Variants in SPTBN1 observed in about 807,000 individuals in gnomAD.
The protein encoded by SPTBN1 is spectrin beta, non-erythrocytic 1.
A neutral mutation model predicts 266.4 loss-of-function variants in SPTBN1; 32 were observed. The ratio of observed to expected loss-of-function variants is 0.12; its 90% CI spans 0.09 to 0.16. The LOEUF (loss-of-function observed/expected upper bound fraction) is 0.16, where lower values mean the gene tolerates loss of function less well. SPTBN1 is among the 10% of genes least tolerant of loss of function. The pLI is 1.00. For synonymous variants in SPTBN1, 1,336 were observed against 1,162.2 expected, an observed-to-expected ratio of 1.15 and a Z score of -3.04; for missense variants, 2,296 against 3,067.1, an observed-to-expected ratio of 0.75 and a Z score of 5.94.
rs1361339840 is a variant in SPTBN1 at position 54,631,132 on chromosome 2, C to G, written c.3085C>G (p.Gln1029Glu). 1.2e-6 allele frequency: 2 copies of G among 1,614,228 alleles called. No homozygotes were observed. The highest frequency in any genetic ancestry group is 1.7e-6 in the Non-Finnish European group (2 of 1,180,048). Reference protein sequence around the residue: ...AEKLESEHPDQAQAILSRLAE... With the variant: ...AEKLESEHPDEAQAILSRLAE... ...GAAGCTGGAGTCCGAGCACCCCGAC[C>G]AGGCCCAGGCCATCCTGTCTCGGCT... Residue 1029 changes from glutamine to glutamate, a missense_variant, in exon 16 of 36, where the codon CAG becomes GAG. Transcript: ENST00000356805.
chr2:54,551,573 C>A (rs191382500), intron 2 of SPTBN1, among the ~76,000 whole-genome samples: 1 of 152,182 alleles, frequency 6.6e-6, no homozygotes, highest in African/African-American at 2.4e-5. Flanking sequence ...TGTAACTTGC[C>A]GTTTTTCTCC....
At chr2:54,524,849 G>A (rs759402709) in intron 1 of SPTBN1, among the ~76,000 whole-genome samples, 6 of 152,106 alleles carry the variant, frequency 3.9e-5, no homozygotes, top group East Asian at 1.9e-4. Context: ...TGATCTGTGC[G>A]TGACTCATTC....
rs1363000891 is a variant in SPTBN1, at chr2:54,645,314, G to T, written c.4355G>T (p.Ser1452Ile). 6.2e-7 allele frequency: 1 copy of T among 1,614,220 alleles called. No individual in the cohort carries two copies. The highest frequency in any genetic ancestry group is 8.5e-7 in the Non-Finnish European group (1 of 1,180,044). ...QAQALSQEGK[S>I]TDEVDSKRLT... ...CAGGCCCTGAGTCAGGAAGGGAAGA[G>T]CACCGACGAGGTAGACAGCAAGCGC... The change falls in exon 21 of 36, where the codon AGC becomes ATC. Residue 1452 changes from serine to isoleucine, a missense_variant. Physicochemically the swap from Ser to Ile is moderately radical, Grantham distance 142 (BLOSUM62 -2). This residue lies in a region of SPTBN1 where 386 missense variants were observed against 486.1 expected (regional missense o/e 0.79). Coordinates refer to ENST00000356805, the MANE Select transcript of SPTBN1 (RefSeq NM_003128.3). This position sits in a 1 kb window ranked among gnomAD's most constrained non-coding sequence, Gnocchi z 4.3.
At chr2:54,578,780 T>A (rs1004439314) in intron 2 of SPTBN1, among the ~76,000 whole-genome samples, 7 of 144,380 alleles carry the variant, frequency 4.8e-5, no homozygotes, top group African/African-American at 1.8e-4. Context: ...GTGTGTGTGA[T>A]GATAATTCTG....
At chr2:54,660,493 C>T (rs1250024218) in intron 32 of SPTBN1, 3 of 987,538 alleles carry the variant, frequency 3.0e-6, no homozygotes, top group Non-Finnish European at 3.6e-6. Context: ...TAGTAGTTTA[C>T]TATTAACTAG....
At chr2:54,665,425 A>C (rs1021519023) in intron 33 of SPTBN1, among the ~76,000 whole-genome samples, 4 of 152,192 alleles carry the variant, frequency 2.6e-5, no homozygotes, top group Non-Finnish European at 5.9e-5. Flanking sequence ...AAGCCACTTT[A>C]TTCTAATTCA....
rs754451083 is a variant in SPTBN1 at position 54,629,681 on chromosome 2, G to T, written c.2547G>T (p.Leu849=). The change falls in exon 14 of 36, where the codon CTG becomes CTT. Residue 849 remains leucine (L), a synonymous_variant. Coordinates refer to ENST00000356805, the MANE Select transcript of SPTBN1 (RefSeq NM_003128.3). The stretch of plus-strand genomic sequence containing the variant: ...GGAAGCAGGCACTCCAGGACACTCT[G>T]GCCCTGTACAAGATGTTCAGCGAGG... ...RLRKQALQDT[L]ALYKMFSEAD... is the part of the protein sequence containing the mutation. 6.2e-7 allele frequency: 1 copy of T among 1,613,846 alleles called. No individual in the cohort carries two copies. The highest frequency in any genetic ancestry group is 1.1e-5 in the South Asian group (1 of 91,080).
chr2:54,611,083 TG>T (rs1677177642), intron 3 of SPTBN1, among the ~76,000 whole-genome samples: 1 of 152,226 alleles, frequency 6.6e-6, no homozygotes, highest in South Asian at 2.1e-4. Flanking sequence ...TCTGTGTTTG[TG>T]TGTATGAGTT....
chr2:54,502,000 G>A (rs1293029914), intron 1 of SPTBN1, among the ~76,000 whole-genome samples: 1 of 152,242 alleles, frequency 6.6e-6, no homozygotes, highest in African/African-American at 2.4e-5. Context: ...ACTAGATTAA[G>A]GAGCTTTGGT....
rs191235615 is a variant in SPTBN1 at position 54,620,867 on chromosome 2, G to A, written c.764-533G>A. Among the ~76,000 whole-genome samples, 400 of 152,300 alleles carry A rather than the reference G, an allele frequency of 2.6e-3. 1 individual carries two copies. Among genetic ancestry groups the A allele is most frequent in the African/African-American group, 9.1e-3 (379 of 41,560 alleles). On this transcript the variant is annotated intron_variant, in intron 7 of 35. Coordinates refer to ENST00000356805, the MANE Select transcript of SPTBN1 (RefSeq NM_003128.3). ...TGAGCTAGGAGAAACTGTGTTCACA[G>A]CTGTGCTTCTGAAAGATCAGTCTGG...
At chr2:54,661,842 CAAG>C in intron 32 of SPTBN1, 1 of 985,370 alleles carries the variant, frequency 1.0e-6, no homozygotes, top group African/African-American at 1.7e-5. Context: ...CATAAGCACA[CAAG>C]AAAAGAGTGC....
chr2:54,575,638 G>A (rs923413318), intron 2 of SPTBN1, among the ~76,000 whole-genome samples: 3 of 152,252 alleles, frequency 2.0e-5, no homozygotes, highest in Non-Finnish European at 4.4e-5. Context: ...AGACGTGGAT[G>A]TAGACCCACT....
intron 1 of SPTBN1, among the ~76,000 whole-genome samples, chr2:54,471,616 A>C (rs1394566448): frequency 6.6e-6 from 1 of 152,098 alleles, no homozygotes; most frequent in Non-Finnish European, 1.5e-5. Flanking sequence ...CTGTGCATCA[A>C]ATGTTGGAAT....
At chr2:54,660,518 G>A in intron 32 of SPTBN1, 2 of 986,444 alleles carry the variant, frequency 2.0e-6, no homozygotes, top group Non-Finnish European at 2.4e-6. Context: ...ACTGGTGTAT[G>A]AGGAGGGAGA....
intron 32 of SPTBN1, 21 bp downstream of exon 32, chr2:54,660,020 C>G (rs768687232): frequency 1.2e-6 from 2 of 1,614,176 alleles, no homozygotes; most frequent in Admixed American, 1.7e-5. Context: ...GCTCTCAAAC[C>G]TACCAAAACT....
chr2:54,503,029 A>G (rs1408289394), intron 1 of SPTBN1, among the ~76,000 whole-genome samples: 2 of 152,218 alleles, frequency 1.3e-5, no homozygotes, highest in East Asian at 1.9e-4. Flanking sequence ...CTTCCCTGAC[A>G]TAGTAATCAC....
At position 54,558,267 on chromosome 2, in the gene SPTBN1, C is replaced by T. The variant is rs1673014304; in HGVS notation, c.148+31701C>T. ...CCGGCTAGGCTCCCCCGCGCCCCTC[C>T]TCGTGGTATAGCCTGCATTTCTAAT... On this transcript the variant is annotated intron_variant, in intron 2 of 35. Transcript: ENST00000356805. The surrounding 1 kb of genome is among the most constrained non-coding windows in gnomAD (Gnocchi z 4.6). 2.0e-6 allele frequency: 2 copies of T among 985,432 alleles called. No individual in the cohort carries two copies. Among genetic ancestry groups the T allele is most frequent in the Non-Finnish European group, 1.2e-6 (1 of 829,938 alleles). The allele number at this position is 985,432 out of a possible 1,614,324, so 61.0% of individuals were successfully genotyped here.
chr2:54,465,682 A>G (rs1440742131), intron 1 of SPTBN1, among the ~76,000 whole-genome samples: 2 of 131,654 alleles, frequency 1.5e-5, no homozygotes, highest in East Asian at 2.5e-4. Flanking sequence ...CACACATGGG[A>G]GAGAGAGGTG....
intron 1 of SPTBN1, among the ~76,000 whole-genome samples, chr2:54,478,054 CA>C (rs1667927116): frequency 1.3e-5 from 2 of 152,130 alleles, no homozygotes; most frequent in African/African-American, 4.8e-5. Context: ...ATTCATGACC[CA>C]TCACAAAAAC....
Sources: allele counts gnomAD v4.1 joint callset (sites outside exome capture counted in the v4.1 genomes callset), GRCh38; gene constraint gnomAD v4.1.1; regional missense constraint gnomAD v4.1.1; non-coding constraint Gnocchi (gnomAD v3.1); transcripts MANE v1.5; gene names NCBI Gene and HGNC (gene_info 2026-07-23, HGNC 2026-07-21).